Variants in STAU1 observed in about 807,000 individuals in gnomAD.
The protein encoded by STAU1 is double-stranded RNA-binding protein Staufen homolog 1.
A neutral mutation model predicts 62.9 loss-of-function variants in STAU1; 13 were observed. The observed-to-expected ratio is 0.21, with a 90% CI of 0.13 to 0.33. STAU1 has a LOEUF of 0.33. Among genes scored for constraint, STAU1 ranks in the 10% least tolerant of loss-of-function variants. The probability of loss-of-function intolerance (pLI) is 1.00; values close to 1 mark genes in which losing one functional copy is unlikely to be tolerated. For missense variants in STAU1, 571 were observed against 712.1 expected (o/e 0.80, Z 2.25); for synonymous variants, 269 against 265.1 (o/e 1.01, Z -0.14).
rs2093136540 is a variant in STAU1, at chr20:49,146,573, G to C, written c.510+5009C>G. 3.9e-5 allele frequency among the ~76,000 whole-genome samples: 6 copies of C among 151,904 alleles called. No homozygotes were observed. The South Asian group carries it at 1.2e-3, about 32-fold the overall frequency. ...AAAAATTAACAGGGAGTGGTGGCAT[G>C]AATCTATAGTCCCAGCTACTTAGGA... On this transcript the variant is annotated intron_variant, in intron 5 of 13. Coordinates refer to ENST00000371856, the MANE Select transcript of STAU1 (RefSeq NM_017453.4).
the STAU1 span, among the ~76,000 whole-genome samples, chr20:49,194,147 G>A: frequency 6.6e-6 from 1 of 151,996 alleles, no homozygotes; most frequent in South Asian, 2.1e-4. Flanking sequence ...AAGGAAACTG[G>A]GCTGGGCACT....
At chr20:49,170,963 G>T (rs1328231172) in intron 2 of STAU1, among the ~76,000 whole-genome samples, 1 of 152,126 alleles carries the variant, frequency 6.6e-6, no homozygotes, top group Non-Finnish European at 1.5e-5. Context: ...TAAAGCAATA[G>T]CAATTCTAAA....
the STAU1 span, among the ~76,000 whole-genome samples, chr20:49,199,525 G>A: frequency 1.3e-5 from 2 of 151,302 alleles, no homozygotes; most frequent in Non-Finnish European, 2.9e-5. Context: ...CACCGCGCCC[G>A]GCCATGTTTA....
At chr20:49,204,616 A>ATGTG in the STAU1 span, among the ~76,000 whole-genome samples, 1 of 42,204 alleles carries the variant, frequency 2.4e-5, no homozygotes, top group East Asian at 9.2e-4. Flanking sequence ...ATATATATAT[A>ATGTG]TATATATGTG....
At chr20:49,181,416 T>G (rs1347315942) in intron 1 of STAU1, among the ~76,000 whole-genome samples, 1 of 152,132 alleles carries the variant, frequency 6.6e-6, no homozygotes, top group Non-Finnish European at 1.5e-5. Flanking sequence ...GATCAGAGAA[T>G]ATGCTGACTA....
chr20:49,118,256 G>T, intron 10 of STAU1, 77 bp downstream of exon 10: 1 of 1,440,460 alleles, frequency 6.9e-7, no homozygotes, highest in Non-Finnish European at 9.7e-7. Flanking sequence ...TCACTGGCTG[G>T]GCTCCTGCTG....
intron 5 of STAU1, among the ~76,000 whole-genome samples, chr20:49,136,802 A>T (rs1600685516): frequency 6.6e-6 from 1 of 151,850 alleles, no homozygotes; most frequent in Non-Finnish European, 1.5e-5. Flanking sequence ...GGTTCAAGCG[A>T]TTCTCCTGCC....
chr20:49,194,741 G>C, the STAU1 span, among the ~76,000 whole-genome samples: 4 of 152,010 alleles, frequency 2.6e-5, no homozygotes, highest in East Asian at 7.7e-4. Flanking sequence ...ACTACACCTG[G>C]CTTATTTTTG....
rs138933316 is a variant in STAU1, at chr20:49,172,419, T to C, written c.-85+1776A>G. Among the ~76,000 whole-genome samples the C allele has an allele frequency of 5.3e-5, 8 of 152,364 alleles. 1 individual carries two copies. Among genetic ancestry groups the C allele is most frequent in the African/African-American group, 1.9e-4 (8 of 41,582 alleles). On this transcript the variant is annotated intron_variant, in intron 2 of 13. Coordinates refer to ENST00000371856, the MANE Select transcript of STAU1 (RefSeq NM_017453.4). ...GTAAACAGTTTTTAATCTAAACTTATACAAACATAGAAAACTTTTAACACA... is the reference window on the plus strand; with the variant it reads ...GTAAACAGTTTTTAATCTAAACTTACACAAACATAGAAAACTTTTAACACA...
chr20:49,123,889 T>C (rs1052582837), intron 7 of STAU1, among the ~76,000 whole-genome samples: 2 of 152,138 alleles, frequency 1.3e-5, no homozygotes, highest in African/African-American at 4.8e-5. Context: ...CTTTCTGGGG[T>C]TGGGGAAGGG....
chr20:49,166,193 T>C lies in STAU1; in HGVS notation c.9A>G (p.Gln3=). Residue 3 remains glutamine (Q), a synonymous_variant, in exon 3 of 14, where the codon CAA becomes CAG. Coordinates refer to ENST00000371856, the MANE Select transcript of STAU1 (RefSeq NM_017453.4). ...ATGGGTTCTGAACTTGCACTTGAAC[T>C]TGAGACATGGTCACTTTCAACAAAA... MS[Q]VQVQVQNPSA... 6.2e-7 allele frequency: 1 copy of C among 1,614,156 alleles called. No homozygotes were observed. The highest frequency in any genetic ancestry group is 1.3e-5 in the African/African-American group (1 of 75,050).
chr20:49,198,413 A>C, the STAU1 span, among the ~76,000 whole-genome samples: 2 of 152,260 alleles, frequency 1.3e-5, no homozygotes, highest in Admixed American at 6.5e-5. Context: ...AGCCTGAGTC[A>C]GGAGAATGAC....
At chr20:49,215,694 G>A in the STAU1 span, among the ~76,000 whole-genome samples, 2,319 of 152,170 alleles carry the variant, frequency 0.015, 59 homozygotes, top group South Asian at 0.07. Context: ...TTGAGTCTCC[G>A]AGAATAAAAT....
At position 49,124,375 on chromosome 20, in the gene STAU1, C is replaced by G; in HGVS notation, c.822G>C (p.Lys274Asn). ...RIKKKTKPIV[K>N]PQTSPEYGQG... Reference sequence around the variant, plus strand: ...CTTCTGTGTTCAGAAAAGTTCTCACCTTGACTATGGGTTTTGTTTTCTTTT... The same window carrying G: ...CTTCTGTGTTCAGAAAAGTTCTCACGTTGACTATGGGTTTTGTTTTCTTTT... Residue 274 changes from lysine to asparagine, a missense_variant and splice_region_variant, in exon 7 of 14, where the codon AAG becomes AAC. Physicochemically the swap from Lys to Asn is moderately conservative, Grantham distance 94. Around this residue, in one of 3 missense-constraint regions of STAU1, gnomAD observed 414 missense variants for 499.6 expected, o/e 0.83. Coordinates refer to ENST00000371856, the MANE Select transcript of STAU1 (RefSeq NM_017453.4). 6.2e-7 allele frequency: 1 copy of G among 1,613,614 alleles called. No individual in the cohort carries two copies. Among genetic ancestry groups the G allele is most frequent in the Non-Finnish European group, 8.5e-7 (1 of 1,179,914 alleles).
Position 49,117,319 on chromosome 20 carries a change from C to A in STAU1, c.1510-71G>T. 6.4e-7 allele frequency: 1 copy of A among 1,566,090 alleles called. No individual in the cohort carries two copies. Among genetic ancestry groups the A allele is most frequent in the Non-Finnish European group, 8.7e-7 (1 of 1,147,444 alleles). On this transcript the variant is annotated intron_variant, in intron 11 of 13. Transcript: ENST00000371856. This position sits in a 1 kb window ranked among gnomAD's most constrained non-coding sequence, Gnocchi z 4.6. ...TGAGTGGGCTGGAGGGCTGCAGCTC[C>A]AGGCCCCACAAGCAAGATCACCAGC...
chr20:49,131,226 A>G (rs2092741619), intron 6 of STAU1, among the ~76,000 whole-genome samples: 1 of 152,252 alleles, frequency 6.6e-6, no homozygotes, highest in Admixed American at 6.5e-5. Context: ...TGCAGATACT[A>G]AAGATACTGC....
chr20:49,158,879 G>T, intron 3 of STAU1: 1 of 1,149,822 alleles, frequency 8.7e-7, no homozygotes, highest in South Asian at 1.4e-5. Context: ...CTCCAGCCTG[G>T]GCCACAGAAT....
chr20:49,183,465 G>T (rs146728910), intron 1 of STAU1, among the ~76,000 whole-genome samples: 41 of 152,260 alleles, frequency 2.7e-4, no homozygotes, highest in African/African-American at 8.9e-4. Flanking sequence ...AGACCAGCCT[G>T]GGCGACAAAC....
intron 5 of STAU1, among the ~76,000 whole-genome samples, chr20:49,145,736 AAAAAG>A (rs1367086409): frequency 9.9e-5 from 15 of 152,158 alleles, no homozygotes; most frequent in African/African-American, 3.1e-4. Context: ...CTTAAAAAAA[AAAAAG>A]AAAAGAAAAC....
Sources: allele counts gnomAD v4.1 joint callset (sites outside exome capture counted in the v4.1 genomes callset), GRCh38; gene constraint gnomAD v4.1.1; regional missense constraint gnomAD v4.1.1; non-coding constraint Gnocchi (gnomAD v3.1); transcripts MANE v1.5; gene names NCBI Gene and HGNC (gene_info 2026-07-23, HGNC 2026-07-21).